The following SLC4A4 variants were observed in gnomAD, a reference collection of about 807,000 sequenced individuals.
SLC4A4 encodes the protein electrogenic sodium bicarbonate cotransporter 1.
In SLC4A4, 27 loss-of-function variants were observed where a neutral mutation model predicts 111.5. The ratio of observed to expected loss-of-function variants is 0.24; its 90% confidence interval spans 0.18 to 0.33. SLC4A4 has a LOEUF of 0.33. Among genes scored for constraint, SLC4A4 ranks in the 10% least tolerant of loss-of-function variants. The pLI is 1.00. For synonymous variants in SLC4A4, 443 were observed against 463.4 expected (o/e 0.96, Z 0.57); for missense variants, 909 against 1,315.5 (o/e 0.69, Z 4.78).
intron 1 of SLC4A4, among the ~76,000 whole-genome samples, chr4:71,234,195 T>C (rs1022258352): frequency 6.6e-6 from 1 of 152,270 alleles, no homozygotes; most frequent in Non-Finnish European, 1.5e-5. Context: ...TGCCTCATTT[T>C]ATTTTCCACA....
intron 7 of SLC4A4, among the ~76,000 whole-genome samples, chr4:71,423,348 C>G (rs1203768795): frequency 2.0e-5 from 3 of 152,078 alleles, no homozygotes; most frequent in African/African-American, 7.2e-5. Context: ...AGGATACAAA[C>G]AAATGGAAGA....
chr4:71,097,461 T>A (rs1742592188), intron 2 of SLC4A4, among the ~76,000 whole-genome samples: 1 of 152,232 alleles, frequency 6.6e-6, no homozygotes, highest in South Asian at 2.1e-4. Flanking sequence ...TCTTTGCTAT[T>A]GTGAATAGTG....
intron 5 of SLC4A4, among the ~76,000 whole-genome samples, chr4:71,351,108 C>T (rs185966881): frequency 2.0e-4 from 31 of 152,310 alleles, no homozygotes; most frequent in Non-Finnish European, 3.2e-4. Flanking sequence ...TAGCATTCAA[C>T]GCACAAAGTA....
chr4:71,135,111 G>A (rs1461653167), intron 2 of SLC4A4, among the ~76,000 whole-genome samples: 1 of 152,040 alleles, frequency 6.6e-6, no homozygotes. Context: ...ATGTATGTAT[G>A]TAAATATTTT....
chr4:71,539,700 T>C (rs1734871454), intron 18 of SLC4A4, among the ~76,000 whole-genome samples: 2 of 152,182 alleles, frequency 1.3e-5, no homozygotes, highest in African/African-American at 4.8e-5. Flanking sequence ...ACAGATCACA[T>C]ATTTCTTTTA....
chr4:71,413,983 C>G (rs1158173681), intron 7 of SLC4A4, among the ~76,000 whole-genome samples: 2 of 152,264 alleles, frequency 1.3e-5, no homozygotes, highest in East Asian at 3.9e-4. Flanking sequence ...CAAAGCCTCA[C>G]AGAGTAACAG....
intron 2 of SLC4A4, among the ~76,000 whole-genome samples, chr4:71,096,226 T>C (rs985671382): frequency 2.0e-5 from 3 of 152,012 alleles, no homozygotes; most frequent in Non-Finnish European, 2.9e-5. Flanking sequence ...TAGTTTAGGG[T>C]TAAATTCTCT....
chr4:71,466,221 G>A (rs1442383464), intron 12 of SLC4A4, among the ~76,000 whole-genome samples: 1 of 152,112 alleles, frequency 6.6e-6, no homozygotes, highest in East Asian at 1.9e-4. Flanking sequence ...TTTAGAGCAG[G>A]TCGACCCTTG....
At chr4:71,164,999 T>C (rs1049733907) in intron 2 of SLC4A4, among the ~76,000 whole-genome samples, 1 of 152,116 alleles carries the variant, frequency 6.6e-6, no homozygotes, top group Non-Finnish European at 1.5e-5. Context: ...AAAACCACAA[T>C]GAGATAGCAT....
chr4:71,069,633 G>A (rs1023227482), intron 1 of SLC4A4, among the ~76,000 whole-genome samples: 7 of 152,066 alleles, frequency 4.6e-5, no homozygotes, highest in African/African-American at 7.2e-5. Flanking sequence ...CATGGACACC[G>A]AAAAGATGAT....
intron 6 of SLC4A4, among the ~76,000 whole-genome samples, chr4:71,384,970 ATACC>A (rs1578976429): frequency 6.6e-6 from 1 of 151,560 alleles, no homozygotes; most frequent in Admixed American, 6.6e-5. Flanking sequence ...TGGCACGTGT[ATACC>A]TATGTAACAA....
chr4:71,320,039 G>A (rs1045951729), intron 3 of SLC4A4, among the ~76,000 whole-genome samples: 1 of 151,944 alleles, frequency 6.6e-6, no homozygotes, highest in Non-Finnish European at 1.5e-5. Context: ...GGAATCAGCT[G>A]CTGCAAACAC....
chr4:71,166,565 CT>C (rs1744748294), intron 2 of SLC4A4, among the ~76,000 whole-genome samples: 1 of 152,188 alleles, frequency 6.6e-6, no homozygotes, highest in East Asian at 1.9e-4. Context: ...TGTAGCTCTA[CT>C]TCTGTGAACT....
At chr4:71,247,238 G>T (rs1332176590) in intron 2 of SLC4A4, among the ~76,000 whole-genome samples, 1 of 146,996 alleles carries the variant, frequency 6.8e-6, no homozygotes, top group East Asian at 2.0e-4. Flanking sequence ...TTTTATATAA[G>T]ATATAATATT....
At chr4:71,111,977 G>A (rs1357077565) in intron 2 of SLC4A4, among the ~76,000 whole-genome samples, 63 of 152,158 alleles carry the variant, frequency 4.1e-4, no homozygotes, top group African/African-American at 7.2e-5. Context: ...GATTACAGAC[G>A]TGAACCACTG....
intron 6 of SLC4A4, among the ~76,000 whole-genome samples, chr4:71,383,889 C>G (rs879634891): frequency 6.6e-6 from 1 of 152,188 alleles, no homozygotes; most frequent in Admixed American, 6.5e-5. Flanking sequence ...GTCTTCTCCT[C>G]TACTGCCCCC....
upstream of SLC4A4, among the ~76,000 whole-genome samples, chr4:71,183,007 GTAA>G (rs1264067997): frequency 6.6e-6 from 1 of 152,140 alleles, no homozygotes; most frequent in East Asian, 1.9e-4. Flanking sequence ...CAGAGCTTTC[GTAA>G]TAAATATGTT....
chr4:71,496,492 G>T (rs1437712824), intron 15 of SLC4A4, among the ~76,000 whole-genome samples: 1 of 151,960 alleles, frequency 6.6e-6, no homozygotes, highest in Non-Finnish European at 1.5e-5. Context: ...AGACGAAGAG[G>T]GTATAGTTTT....
At chr4:71,359,643 G>A (rs139399055) in intron 6 of SLC4A4, among the ~76,000 whole-genome samples, 4 of 152,144 alleles carry the variant, frequency 2.6e-5, no homozygotes, top group South Asian at 2.1e-4. Flanking sequence ...CTAAACAAAC[G>A]TTCTTAGAAT....
Sources: allele counts gnomAD v4.1 joint callset (sites outside exome capture counted in the v4.1 genomes callset), GRCh38; gene constraint gnomAD v4.1.1; transcripts MANE v1.5; gene names NCBI Gene and HGNC (gene_info 2026-07-23, HGNC 2026-07-21).